The following SBF2 variants were observed in gnomAD, a reference collection of about 807,000 sequenced individuals.
SBF2 encodes the protein SET binding factor 2, also known as myotubularin-related protein 13.
In SBF2, 112 loss-of-function variants were observed where a neutral mutation model predicts 225.2. The observed-to-expected ratio is 0.50, with a 90% CI of 0.43 to 0.58. SBF2 has a LOEUF of 0.58. SBF2 is among the 20% of genes least tolerant of loss of function. SBF2 has a pLI of 0.00. For synonymous variants in SBF2, 763 were observed against 773.3 expected (o/e 0.99, Z 0.22); for missense variants, 1,996 against 2,206.2 (o/e 0.90, Z 1.91).
At position 10,196,867 on chromosome 11, in the gene SBF2, T is replaced by TATATA. The variant is rs1409393179; in HGVS notation, c.56-2881_56-2880insTATAT. 1.6e-3 allele frequency among the ~76,000 whole-genome samples: 60 copies of TATATA among 38,562 alleles called. 1 individual carries two copies. The highest frequency in any genetic ancestry group is 5.0e-3 in the East Asian group (4 of 806). 25.3% of individuals were successfully genotyped at this position (38,562 alleles called of 152,430 possible). A position where few individuals can be genotyped will look rare whatever the true frequency, so the allele number is the denominator to read the frequency against. The stretch of plus-strand genomic sequence containing the variant: ...ATATATATATATATATATATATATA[T>TATATA]TTTTTTTTTCCTACAAAATGAATAC... On this transcript the variant is annotated intron_variant, in intron 1 of 39. Coordinates refer to ENST00000256190, the MANE Select transcript of SBF2 (RefSeq NM_030962.4).
intron 2 of SBF2, among the ~76,000 whole-genome samples, chr11:10,142,009 C>T (rs999518541): frequency 2.6e-5 from 4 of 152,144 alleles, no homozygotes; most frequent in African/African-American, 9.7e-5. Flanking sequence ...AACATCATTC[C>T]TCCAATATTT....
intron 17 of SBF2, among the ~76,000 whole-genome samples, chr11:9,863,633 G>T (rs1195987233): frequency 1.3e-5 from 2 of 152,076 alleles, no homozygotes; most frequent in African/African-American, 4.8e-5. Context: ...ATGAAATTGG[G>T]AGTCTTTCTT....
intron 16 of SBF2, among the ~76,000 whole-genome samples, chr11:9,899,861 G>A (rs762817892): frequency 1.3e-5 from 2 of 152,110 alleles, no homozygotes; most frequent in African/African-American, 2.4e-5. Flanking sequence ...GCTTGGTTCT[G>A]CAAGGAAGAC....
rs1473313008 is a variant in SBF2, at chr11:10,029,854, T to C, written c.424A>G (p.Thr142Ala). ...ACATTCAGGCTGTCCACATACACGG[T>C]ATAGATCAAACCCAGGCAAGCCTGC... Reference protein sequence around the residue: ...IFRACLGLIYTVYVDSLNVSL... With the variant: ...IFRACLGLIYAVYVDSLNVSL... The change falls in exon 5 of 40, where the codon ACC becomes GCC. Residue 142 changes from threonine (T) to alanine (A), a missense_variant. Transcript: ENST00000256190. 6.2e-7 allele frequency: 1 copy of C among 1,613,410 alleles called. No homozygotes were observed. Among genetic ancestry groups the C allele is most frequent in the Admixed American group, 1.7e-5 (1 of 60,016 alleles).
chr11:10,226,245 G>A (rs191452743), intron 1 of SBF2, among the ~76,000 whole-genome samples: 1 of 152,098 alleles, frequency 6.6e-6, no homozygotes, highest in Non-Finnish European at 1.5e-5. Context: ...GAAAATAAAC[G>A]AGTCACAAAA....
intron 1 of SBF2, among the ~76,000 whole-genome samples, chr11:10,222,644 T>C (rs180688338): frequency 3.9e-5 from 6 of 152,260 alleles, no homozygotes; most frequent in Admixed American, 1.3e-4. Context: ...GCACATACAA[T>C]GCTAAAAGAT....
At chr11:10,219,688 A>C (rs1448594357) in intron 1 of SBF2, among the ~76,000 whole-genome samples, 1 of 152,096 alleles carries the variant, frequency 6.6e-6, no homozygotes, top group Non-Finnish European at 1.5e-5. Flanking sequence ...GGATACCCTA[A>C]ATCATCTCTT....
At chr11:9,947,875 C>G (rs1369280071) in intron 16 of SBF2, among the ~76,000 whole-genome samples, 2 of 152,070 alleles carry the variant, frequency 1.3e-5, no homozygotes, top group African/African-American at 4.8e-5. Flanking sequence ...GACAGTATAA[C>G]AGTTCCTCAA....
chr11:10,152,330 C>T (rs184143317), intron 2 of SBF2, among the ~76,000 whole-genome samples: 3 of 152,180 alleles, frequency 2.0e-5, no homozygotes, highest in Admixed American at 6.5e-5. Context: ...GTGGGCAGAT[C>T]ACCTGAGGTC....
chr11:10,222,160 G>A (rs1258595542), intron 1 of SBF2, among the ~76,000 whole-genome samples: 1 of 152,276 alleles, frequency 6.6e-6, no homozygotes, highest in East Asian at 1.9e-4. Flanking sequence ...CTGCTAACAA[G>A]CATCAACACT....
At chr11:9,906,936 T>C (rs1862165891) in intron 16 of SBF2, among the ~76,000 whole-genome samples, 1 of 152,226 alleles carries the variant, frequency 6.6e-6, no homozygotes, top group Non-Finnish European at 1.5e-5. Context: ...CTTTGAACTG[T>C]TGTTGCCAAC....
chr11:10,067,116 T>A (rs1297807915), intron 2 of SBF2, among the ~76,000 whole-genome samples: 5 of 152,008 alleles, frequency 3.3e-5, no homozygotes, highest in Non-Finnish European at 7.4e-5. Flanking sequence ...TGACTCTGTT[T>A]TTTTTAAAAT....
intron 13 of SBF2, among the ~76,000 whole-genome samples, chr11:9,982,636 A>G (rs1298587512): frequency 6.6e-6 from 1 of 152,210 alleles, no homozygotes; most frequent in Non-Finnish European, 1.5e-5. Context: ...GGAGGCTTGC[A>G]TTGTGAGTTT....
rs147018435 is a variant in SBF2, at chr11:9,820,964, T to C, written c.3794-3940A>G. ...CTTTACCTTACAGATGAATACATAA[T>C]TGACTATTCCCCTACCTGCTCCTTT... is the stretch of plus-strand genomic sequence containing the variant. On this transcript the variant is annotated intron_variant, in intron 28 of 39. Transcript: ENST00000256190. Among the ~76,000 whole-genome samples, 408 of 152,356 alleles carry C rather than the reference T, an allele frequency of 2.7e-3. 3 individuals carry two copies. The highest frequency in any genetic ancestry group is 9.3e-3 in the African/African-American group (385 of 41,584).
intron 2 of SBF2, among the ~76,000 whole-genome samples, chr11:10,148,082 T>C (rs988885174): frequency 6.6e-6 from 1 of 152,214 alleles, no homozygotes; most frequent in Non-Finnish European, 1.5e-5. Flanking sequence ...CAAAATAGTA[T>C]AAATGTAAAA....
chr11:9,852,369 A>C (rs1857021522), intron 21 of SBF2, among the ~76,000 whole-genome samples: 1 of 152,158 alleles, frequency 6.6e-6, no homozygotes, highest in African/African-American at 2.4e-5. Context: ...AAATAGGCAC[A>C]GTATAAAATC....
At chr11:10,285,779 G>C (rs1963719305) in intron 1 of SBF2, among the ~76,000 whole-genome samples, 1 of 152,104 alleles carries the variant, frequency 6.6e-6, no homozygotes, top group Admixed American at 6.5e-5. Context: ...TCATTGCTTT[G>C]TTTGTGCATT....
At chr11:9,791,784 G>A (rs1852758338) in intron 33 of SBF2, among the ~76,000 whole-genome samples, 1 of 152,238 alleles carries the variant, frequency 6.6e-6, no homozygotes, top group East Asian at 1.9e-4. Flanking sequence ...AGACTGAAAG[G>A]CTGTGTGGTA....
chr11:10,092,343 T>C (rs1320917241), intron 2 of SBF2, among the ~76,000 whole-genome samples: 1 of 152,186 alleles, frequency 6.6e-6, no homozygotes, highest in Admixed American at 6.5e-5. Context: ...TTTATTGTTA[T>C]ATTTAGTTTT....
Sources: allele counts gnomAD v4.1 joint callset (sites outside exome capture counted in the v4.1 genomes callset), GRCh38; gene constraint gnomAD v4.1.1; transcripts MANE v1.5; gene names NCBI Gene and HGNC (gene_info 2026-07-23, HGNC 2026-07-21).